CPB1: variants seen among roughly 807,000 people sequenced by gnomAD.
The protein encoded by CPB1 is carboxypeptidase B.
CPB1 carries 53 observed loss-of-function variants against 51.4 expected under a neutral mutation model. The ratio of observed to expected loss-of-function variants is 1.03; its 90% CI spans 0.83 to 1.30. CPB1 has a LOEUF of 1.30. Ranked by LOEUF, CPB1 falls within the 50% of genes most tolerant of loss-of-function variation. The pLI is 0.00. For missense variants in CPB1, 494 were observed against 516.2 expected (o/e 0.96, Z 0.42); for synonymous variants, 189 against 186.9 (o/e 1.01, Z -0.09).
At chr3:148,834,713 CA>C in intron 3 of CPB1, 91 bp downstream of exon 3, 1 of 1,272,070 alleles carries the variant, frequency 7.9e-7, no homozygotes, top group Non-Finnish European at 1.1e-6. Context: ...GAAATGAGAC[CA>C]AGACCAATGC....
chr3:148,846,797 GTATATATATATATATATATATATA>G (rs368201293), intron 9 of CPB1, among the ~76,000 whole-genome samples: 529 of 50,550 alleles, frequency 0.01, 49 homozygotes, highest in African/African-American at 0.028. Flanking sequence ...GTGTGCGTGT[GTATATATATATATATATATATATA>G]TATATATATA....
chr3:148,858,586 CAG>C (rs1713659391), intron 10 of CPB1, among the ~76,000 whole-genome samples: 1 of 151,712 alleles, frequency 6.6e-6, no homozygotes, highest in African/African-American at 2.4e-5. Flanking sequence ...AAAAAAAAGA[CAG>C]AGTGTTTTTT....
chr3:148,859,913 C>T lies in CPB1; in HGVS notation c.1165C>T (p.Leu389Phe). ...LRDTGRYGFL[L>F]PESQIRATCE... ...AGATACAGGCAGATATGGCTTTCTC[C>T]TTCCAGAATCCCAGATCCGGGCTAC... is the stretch of plus-strand genomic sequence containing the variant. Residue 389 changes from leucine to phenylalanine, a missense_variant, in exon 11 of 11, where the codon CTT becomes TTT. Coordinates refer to ENST00000282957, the MANE Select transcript of CPB1 (RefSeq NM_001871.3). 6.2e-7 allele frequency: 1 copy of T among 1,614,122 alleles called. No individual in the cohort carries two copies. The highest frequency in any genetic ancestry group is 8.5e-7 in the Non-Finnish European group (1 of 1,180,010).
intron 3 of CPB1, chr3:148,838,550 A>C (rs1174333858): frequency 6.6e-6 from 1 of 151,710 alleles, no homozygotes; most frequent in East Asian, 1.9e-4. Flanking sequence ...GTCTGTTTTT[A>C]GTTTTTTGTT....
chr3:148,834,340 G>A (rs1420145483), intron 2 of CPB1, among the ~76,000 whole-genome samples, 158 bp from the exon 3 acceptor site: 1 of 152,118 alleles, frequency 6.6e-6, no homozygotes, highest in African/African-American at 2.4e-5. Flanking sequence ...CTAACTGCTT[G>A]GTTCCAACCC....
In CPB1 at chr3:148,846,164, A is replaced by G. The variant is rs564809827; in HGVS notation, c.981+538A>G. Among the ~76,000 whole-genome samples the G allele has an allele frequency of 1.4e-4, 21 of 152,310 alleles. 1 individual carries two copies. The South Asian group carries it at 4.4e-3, about 32-fold the overall frequency. ...ATCAATCAATGAACAAATAATGTGA[A>G]TGAGTCTTTACCACATACAGGGAAT... On this transcript the variant is annotated intron_variant, in intron 9 of 10. Coordinates refer to ENST00000282957, the MANE Select transcript of CPB1 (RefSeq NM_001871.3).
chr3:148,832,649 C>T (rs1712774414), intron 2 of CPB1, among the ~76,000 whole-genome samples: 1 of 152,208 alleles, frequency 6.6e-6, no homozygotes, highest in African/African-American at 2.4e-5. Flanking sequence ...AGAATTATCC[C>T]ACCTGAGAGG....
chr3:148,828,994 G>C (rs1349933340), intron 2 of CPB1, among the ~76,000 whole-genome samples: 2 of 152,110 alleles, frequency 1.3e-5, no homozygotes, highest in East Asian at 3.9e-4. Flanking sequence ...ACTACTCCTG[G>C]TAAAACCTGT....
At position 148,840,961 on chromosome 3, in the gene CPB1, A is replaced by G; in HGVS notation, c.460A>G (p.Ile154Val). Residue 154 changes from isoleucine (I) to valine (V), a missense_variant, in exon 5 of 11, where the codon ATT becomes GTT. Transcript: ENST00000282957. ...VIGTTFEGRA[I>V]YLLKVGKAGQ... ...CGGAACCACATTTGAGGGACGCGCT[A>G]TTTACCTCCTGAAGGTAATCATTTT... 1.2e-6 allele frequency: 2 copies of G among 1,613,938 alleles called. No individual in the cohort carries two copies. Among genetic ancestry groups the G allele is most frequent in the African/African-American group, 1.3e-5 (1 of 75,002 alleles).
intron 2 of CPB1, among the ~76,000 whole-genome samples, chr3:148,831,844 T>G (rs1712747793): frequency 6.6e-6 from 1 of 152,188 alleles, no homozygotes; most frequent in South Asian, 2.1e-4. Context: ...CCTGGTAATT[T>G]CTGAAATTTA....
Position 148,849,751 on chromosome 3 carries a change from T to C in CPB1, c.981+4125T>C, listed in dbSNP as rs373734029. 2.7e-4 allele frequency among the ~76,000 whole-genome samples: 41 copies of C among 152,356 alleles called. 2 individuals are homozygous for C. The South Asian group carries it at 7.5e-3, about 28-fold the overall frequency. ...ATTTCTCTGCATTAGAAGCACAGAA[T>C]GTTATGCCTAGAAAAGTCTTAGAAA... On this transcript the variant is annotated intron_variant, in intron 9 of 10. Transcript: ENST00000282957.
chr3:148,839,145 A>G (rs1712999383), intron 3 of CPB1, among the ~76,000 whole-genome samples: 1 of 152,164 alleles, frequency 6.6e-6, no homozygotes, highest in Non-Finnish European at 1.5e-5. Flanking sequence ...TGAAAGAGAG[A>G]GGGAGAAGAG....
chr3:148,836,371 G>C (rs1208479637), intron 3 of CPB1, among the ~76,000 whole-genome samples: 1 of 152,022 alleles, frequency 6.6e-6, no homozygotes, highest in African/African-American at 2.4e-5. Flanking sequence ...ATACTGAAAA[G>C]GACAGCTAAA....
intron 2 of CPB1, among the ~76,000 whole-genome samples, chr3:148,834,264 G>A (rs1421146347): frequency 6.6e-6 from 1 of 152,094 alleles, no homozygotes; most frequent in African/African-American, 2.4e-5. Flanking sequence ...ATGATTCTAT[G>A]TTTTTTCATG....
chr3:148,853,282 A>C (rs1004720390), intron 9 of CPB1, among the ~76,000 whole-genome samples: 3 of 152,208 alleles, frequency 2.0e-5, no homozygotes, highest in African/African-American at 4.8e-5. Flanking sequence ...GCCCCCTGTC[A>C]TGATGCTGGC....
chr3:148,831,390 G>A (rs1283703983), intron 2 of CPB1, among the ~76,000 whole-genome samples: 1 of 152,048 alleles, frequency 6.6e-6, no homozygotes, highest in Non-Finnish European at 1.5e-5. Flanking sequence ...AACAAAAAAG[G>A]AAAATTTCAC....
chr3:148,835,658 G>A (rs964453850), intron 3 of CPB1, among the ~76,000 whole-genome samples: 1 of 152,220 alleles, frequency 6.6e-6, no homozygotes, highest in African/African-American at 2.4e-5. Flanking sequence ...CCAGGGGGTA[G>A]ATTAGGGAGG....
rs568349074 is a variant in CPB1 at position 148,860,091 on chromosome 3, G to C, written c.*89G>C. 3.5e-5 allele frequency: 45 copies of C among 1,283,188 alleles called. No individual in the cohort carries two copies. The East Asian group carries it at 9.5e-4, about 27-fold the overall frequency. The allele number at this position is 1,283,188 out of a possible 1,614,324, so 79.5% of individuals were successfully genotyped here. ...TTATTTTGGTTTGCCTGGATGTTTT[G>C]CAGATCCCAATCTTTCTTTTAAGCT... is the stretch of plus-strand genomic sequence containing the variant. On this transcript the variant is annotated 3_prime_UTR_variant, in exon 11 of 11. Coordinates refer to ENST00000282957, the MANE Select transcript of CPB1 (RefSeq NM_001871.3).
chr3:148,832,944 TAAAG>T (rs1257445610), intron 2 of CPB1, among the ~76,000 whole-genome samples: 4 of 152,302 alleles, frequency 2.6e-5, no homozygotes, highest in African/African-American at 9.6e-5. Flanking sequence ...TCGTCTATAA[TAAAG>T]ACATATCTCT....
Sources: allele counts gnomAD v4.1 joint callset (sites outside exome capture counted in the v4.1 genomes callset), GRCh38; gene constraint gnomAD v4.1.1; transcripts MANE v1.5; gene names NCBI Gene and HGNC (gene_info 2026-07-23, HGNC 2026-07-21).